DENND5A: variants seen among roughly 807,000 people sequenced by gnomAD.
The protein encoded by DENND5A is DENN domain-containing protein 5A.
In DENND5A, 64 loss-of-function variants were observed where a neutral mutation model predicts 140.3. The ratio of observed to expected loss-of-function variants is 0.46; its 90% CI spans 0.37 to 0.56. The LOEUF is 0.56. DENND5A is among the 20% of genes least tolerant of loss of function. The pLI, the probability that DENND5A is intolerant of heterozygous loss-of-function variation, is 0.00. For synonymous variants in DENND5A, 605 were observed against 607.7 expected (o/e 1.00, Z 0.07); for missense variants, 1,292 against 1,593.8 (o/e 0.81, Z 3.22).
rs117916254 is a variant in DENND5A at position 9,160,053 on chromosome 11, T to C, written c.2436+660A>G. ...CTAGTGCCTACAACAGTACCTGACA[T>C]AGTAGGCCCTTGAGAAATACCAATG... On this transcript the variant is annotated intron_variant, in intron 12 of 22. Coordinates refer to ENST00000328194, the MANE Select transcript of DENND5A (RefSeq NM_015213.4). 9.2e-5 allele frequency among the ~76,000 whole-genome samples: 14 copies of C among 152,358 alleles called. No homozygotes were observed. In the East Asian group the frequency reaches 2.7e-3, roughly 29 times the overall value.
rs567256008 is a variant in DENND5A at position 9,143,526 on chromosome 11, G to A, written c.3305-41C>T. ...CAGACATCCCTAACCAATCTCTGAG[G>A]CTAACAGTGCTTAGCTGCCTGAGCA... On this transcript the variant is annotated intron_variant, in intron 19 of 22. Coordinates refer to ENST00000328194, the MANE Select transcript of DENND5A (RefSeq NM_015213.4). 11 of 1,511,536 alleles carry A rather than the reference G, an allele frequency of 7.3e-6. No homozygotes were observed. The East Asian group carries it at 2.3e-4, about 31-fold the overall frequency. 93.6% of individuals were successfully genotyped at this position (1,511,536 alleles called of 1,614,324 possible).
At chr11:9,225,357 C>T (rs945937521) in intron 1 of DENND5A, among the ~76,000 whole-genome samples, 11 of 152,140 alleles carry the variant, frequency 7.2e-5, no homozygotes, top group African/African-American at 2.7e-4. Flanking sequence ...TTCTTGAATC[C>T]AAAAATGGTA....
intron 3 of DENND5A, among the ~76,000 whole-genome samples, chr11:9,205,822 A>T (rs781775279): frequency 6.6e-6 from 1 of 152,176 alleles, no homozygotes; most frequent in Non-Finnish European, 1.5e-5. Context: ...ACTTGAGCTC[A>T]GGAGGATGAG....
intron 1 of DENND5A, among the ~76,000 whole-genome samples, chr11:9,227,742 G>C (rs1392279231): frequency 2.6e-5 from 4 of 151,794 alleles, no homozygotes; most frequent in Admixed American, 2.0e-4. Flanking sequence ...AGGATCACCT[G>C]ACGCCAGTTC....
chr11:9,207,221 C>T, intron 2 of DENND5A: 2 of 471,130 alleles, frequency 4.2e-6, no homozygotes, highest in Non-Finnish European at 3.9e-6. Context: ...GGGAAAAATA[C>T]AAAGAAATGA....
intron 1 of DENND5A, among the ~76,000 whole-genome samples, chr11:9,251,468 C>T (rs1251202976): frequency 1.3e-5 from 2 of 152,140 alleles, no homozygotes; most frequent in East Asian, 1.9e-4. Flanking sequence ...AGAAACACAA[C>T]GGTCTAAACT....
intron 4 of DENND5A, among the ~76,000 whole-genome samples, chr11:9,201,718 T>C (rs1849531007): frequency 6.6e-6 from 1 of 152,004 alleles, no homozygotes; most frequent in South Asian, 2.1e-4. Context: ...CTACTATTCT[T>C]GAAATAACTG....
intron 12 of DENND5A, among the ~76,000 whole-genome samples, chr11:9,154,194 C>T (rs906002833): frequency 6.6e-5 from 10 of 152,080 alleles, no homozygotes; most frequent in Admixed American, 5.9e-4. Flanking sequence ...TTAATGCTCC[C>T]AACAGTCTAA....
At chr11:9,244,211 A>G (rs1204917013) in intron 1 of DENND5A, among the ~76,000 whole-genome samples, 2 of 152,238 alleles carry the variant, frequency 1.3e-5, no homozygotes, top group Admixed American at 6.5e-5. Flanking sequence ...CTAAATTTCT[A>G]TTGTATTTCT....
chr11:9,194,668 G>A (rs920183455), intron 4 of DENND5A, among the ~76,000 whole-genome samples: 7 of 151,834 alleles, frequency 4.6e-5, no homozygotes, highest in South Asian at 2.1e-4. Flanking sequence ...AGCCTAAAGG[G>A]AAGGCTCGTG....
chr11:9,142,279 T>C (rs752175626), intron 21 of DENND5A, among the ~76,000 whole-genome samples, 171 bp from the exon 22 acceptor site: 1 of 152,174 alleles, frequency 6.6e-6, no homozygotes, highest in Non-Finnish European at 1.5e-5. Flanking sequence ...AGCTTCCCTA[T>C]CCTTATTTTT....
chr11:9,148,935 C>G (rs1052295370), intron 15 of DENND5A, among the ~76,000 whole-genome samples: 8 of 152,152 alleles, frequency 5.3e-5, no homozygotes, highest in Admixed American at 5.2e-4. Context: ...AAACTGTGTG[C>G]ATGCAAAGAA....
At chr11:9,246,092 T>C (rs1851459577) in intron 1 of DENND5A, among the ~76,000 whole-genome samples, 1 of 151,922 alleles carries the variant, frequency 6.6e-6, no homozygotes, top group Non-Finnish European at 1.5e-5. Flanking sequence ...TAAAGGAAAA[T>C]ATGAGTTCCT....
chr11:9,231,715 C>CAAAAAAAAAAAAAAA lies in DENND5A; in HGVS notation c.110-24098_110-24084dup, dbSNP rs71062818. On this transcript the variant is annotated intron_variant, in intron 1 of 22. Transcript: ENST00000328194. The stretch of plus-strand genomic sequence containing the variant: ...GGGCAACAAGAGCGAAACTCCGTCT[C>CAAAAAAAAAAAAAAA]AAAAAAAAAAAAAAAAAGACTCTGG... Among the ~76,000 whole-genome samples the CAAAAAAAAAAAAAAA allele has an allele frequency of 3.3e-4, 26 of 78,922 alleles. 1 individual carries two copies. Among genetic ancestry groups the CAAAAAAAAAAAAAAA allele is most frequent in the African/African-American group, 9.0e-4 (19 of 21,138 alleles). The allele number at this position is 78,922 out of a possible 152,430, so 51.8% of individuals were successfully genotyped here.
At chr11:9,164,699 G>A (rs749932588) in intron 11 of DENND5A, among the ~76,000 whole-genome samples, 12 of 152,058 alleles carry the variant, frequency 7.9e-5, no homozygotes, top group Non-Finnish European at 1.3e-4. Context: ...CACATAGTAG[G>A]TACCCAGTAA....
intron 5 of DENND5A, among the ~76,000 whole-genome samples, chr11:9,186,620 T>C (rs1848922310): frequency 6.6e-6 from 1 of 152,230 alleles, no homozygotes; most frequent in Non-Finnish European, 1.5e-5. Flanking sequence ...AAACTCCAAA[T>C]GCTGTGTCCA....
At chr11:9,230,545 C>G (rs1850728839) in intron 1 of DENND5A, among the ~76,000 whole-genome samples, 1 of 152,076 alleles carries the variant, frequency 6.6e-6, no homozygotes, top group Non-Finnish European at 1.5e-5. Flanking sequence ...GCCTCTTATG[C>G]TTTCTTCTTG....
chr11:9,139,465 T>G lies in DENND5A; in HGVS notation c.*206A>C. 1 of 575,892 alleles carries G rather than the reference T, an allele frequency of 1.7e-6. No individual in the cohort carries two copies. The highest frequency in any genetic ancestry group is 3.0e-6 in the Non-Finnish European group (1 of 328,332). 35.7% of individuals were successfully genotyped at this position (575,892 alleles called of 1,614,324 possible). On this transcript the variant is annotated 3_prime_UTR_variant, in exon 23 of 23. Coordinates refer to ENST00000328194, the MANE Select transcript of DENND5A (RefSeq NM_015213.4). Reference sequence around the variant, plus strand: ...CAGCCTCGCTCCCTCTCCCTATCACTCTTTCACATGAAAGTGTGTAAAAAG... The same window carrying G: ...CAGCCTCGCTCCCTCTCCCTATCACGCTTTCACATGAAAGTGTGTAAAAAG...
intron 12 of DENND5A, among the ~76,000 whole-genome samples, chr11:9,157,640 A>G (rs993109700): frequency 2.0e-5 from 3 of 152,136 alleles, no homozygotes; most frequent in Non-Finnish European, 4.4e-5. Flanking sequence ...AGCTGCATCC[A>G]TGTTGCTACA....
Sources: gnomAD v4.1 joint callset for allele counts (sites outside exome capture counted in the v4.1 genomes callset) on GRCh38, gnomAD v4.1.1 for gene constraint, MANE v1.5 for transcripts, NCBI Gene and HGNC (gene_info 2026-07-23, HGNC 2026-07-21) for gene names.